The following CACNB1 variants were observed in gnomAD, a reference collection of about 807,000 sequenced individuals.
The protein encoded by CACNB1 is calcium voltage-gated channel auxiliary subunit beta 1.
In CACNB1, 29 loss-of-function variants were observed where a neutral mutation model predicts 71.6. That is an observed-to-expected ratio of 0.40 (90% confidence interval 0.30 to 0.55). The LOEUF (loss-of-function observed/expected upper bound fraction) is 0.55. CACNB1 is among the 20% of genes least tolerant of loss of function. The probability of loss-of-function intolerance (pLI) is 0.38; values close to 1 mark genes in which losing one functional copy is unlikely to be tolerated. For synonymous variants in CACNB1, 300 were observed against 319.6 expected, an observed-to-expected ratio of 0.94 and a Z score of 0.65; for missense variants, 623 against 801.8, an observed-to-expected ratio of 0.78 and a Z score of 2.69.
At chr17:39,176,778 T>A (rs1477066753) in intron 13 of CACNB1, among the ~76,000 whole-genome samples, 1 of 152,174 alleles carries the variant, frequency 6.6e-6, no homozygotes, top group Non-Finnish European at 1.5e-5. Context: ...TGGGAGGTCC[T>A]TTCCTGGACT....
intron 11 of CACNB1, among the ~76,000 whole-genome samples, chr17:39,179,649 A>G (rs1438975989): frequency 6.6e-6 from 1 of 151,814 alleles, no homozygotes; most frequent in Non-Finnish European, 1.5e-5. Context: ...CTGTAATCCC[A>G]GTACTTTGGG....
At chr17:39,187,339 T>C in intron 4 of CACNB1, 140 bp downstream of exon 4, 1 of 945,510 alleles carries the variant, frequency 1.1e-6, no homozygotes, top group Non-Finnish European at 1.6e-6. Flanking sequence ...ATTAAGAGGC[T>C]CAGAGAGGTG....
rs950330423 is a variant in CACNB1 at position 39,177,365 on chromosome 17, A to G, written c.1317T>C (p.Pro439=). 7.4e-6 allele frequency: 12 copies of G among 1,613,258 alleles called. No homozygotes were observed. The highest frequency in any genetic ancestry group is 1.3e-5 in the African/African-American group (1 of 74,942). Residue 439 remains proline (P), a synonymous_variant, in exon 13 of 14, where the codon CCT becomes CCC. Transcript: ENST00000394303. ...GCACCTGTACCTGGAGGTTGGAGAC[A>G]GGGGCAGGGCTGGCAGCCAGGGCTG... ...ATAALAASPA[P]VSNLQGPYLA... is the part of the protein sequence containing the mutation.
chr17:39,185,046 G>T, intron 7 of CACNB1, 85 bp downstream of exon 7: 2 of 1,257,760 alleles, frequency 1.6e-6, no homozygotes, highest in Non-Finnish European at 2.3e-6. Flanking sequence ...GGAAATGGGG[G>T]ACAGATGTGG....
rs950299355 is a variant in CACNB1, at chr17:39,195,809, G to A, written c.85-839C>T. On this transcript the variant is annotated intron_variant, in intron 1 of 13. Coordinates refer to ENST00000394303, the MANE Select transcript of CACNB1 (RefSeq NM_000723.5). Reference sequence around the variant, plus strand: ...ATGCCCATGGTACCCATCAGGCTACGTCAATCTAAATGTCCCTCGGCCCCG... The same window carrying A: ...ATGCCCATGGTACCCATCAGGCTACATCAATCTAAATGTCCCTCGGCCCCG... 2.6e-5 allele frequency among the ~76,000 whole-genome samples: 4 copies of A among 152,252 alleles called. No individual in the cohort carries two copies. In the East Asian group the frequency reaches 5.8e-4, roughly 22 times the overall value.
Position 39,177,437 on chromosome 17 carries a change from G to A in CACNB1, c.1245C>T (p.Pro415=). 6.2e-7 allele frequency: 1 copy of A among 1,613,816 alleles called. No homozygotes were observed. Among genetic ancestry groups the A allele is most frequent in the Non-Finnish European group, 8.5e-7 (1 of 1,179,828 alleles). Residue 415 remains proline (P), a synonymous_variant, in exon 13 of 14, where the codon CCC becomes CCT. Coordinates refer to ENST00000394303, the MANE Select transcript of CACNB1 (RefSeq NM_000723.5). ...GCAGCGGATTGGGTGGCGTGCTGCT[G>A]GGCGGGTGTGTGGCCTTCCAATAGG... ...LEAYWKATHP[P]SSTPPNPLLN...
intron 1 of CACNB1, among the ~76,000 whole-genome samples, chr17:39,195,481 C>T (rs2046185241): frequency 6.6e-6 from 1 of 152,148 alleles, no homozygotes; most frequent in Admixed American, 6.5e-5. Context: ...CTGGCTTCTC[C>T]CCTGTGCCCA....
intron 3 of CACNB1, among the ~76,000 whole-genome samples, chr17:39,191,066 T>C (rs558470877): frequency 1.3e-4 from 19 of 151,820 alleles, no homozygotes; most frequent in African/African-American, 4.1e-4. Context: ...TAGCCGGGCG[T>C]GGCAGCCAGA....
chr17:39,186,135 G>A lies in CACNB1; in HGVS notation c.628+361C>T. ...CCGGAGAGTCAGGAGAGAGGGAGGAGGGAGGCGAGGTGGGGAGAAGGAGTG... is the reference window on the plus strand; with the variant it reads ...CCGGAGAGTCAGGAGAGAGGGAGGAAGGAGGCGAGGTGGGGAGAAGGAGTG... On this transcript the variant is annotated intron_variant, in intron 6 of 13. Coordinates refer to ENST00000394303, the MANE Select transcript of CACNB1 (RefSeq NM_000723.5). This position sits in a 1 kb window ranked among gnomAD's most constrained non-coding sequence, Gnocchi z 4.1. 3.1e-6 allele frequency: 5 copies of A among 1,603,292 alleles called. No homozygotes were observed. Among genetic ancestry groups the A allele is most frequent in the Non-Finnish European group, 4.3e-6 (5 of 1,171,330 alleles).
Position 39,175,162 on chromosome 17 carries a change from G to T in CACNB1, c.*31C>A. 1 of 1,553,146 alleles carries T rather than the reference G, an allele frequency of 6.4e-7. No homozygotes were observed. Among genetic ancestry groups the T allele is most frequent in the Non-Finnish European group, 8.8e-7 (1 of 1,135,824 alleles). ...CTCCCTCCCCTCCCCTGGGCTCAGA[G>T]CCCTTCCTCCCGCCGTGTGGCCCCT... On this transcript the variant is annotated 3_prime_UTR_variant, in exon 14 of 14. Coordinates refer to ENST00000394303, the MANE Select transcript of CACNB1 (RefSeq NM_000723.5). The surrounding 1 kb of genome is among the most constrained non-coding windows in gnomAD (Gnocchi z 4.7).
rs773858989 is a variant in CACNB1, at chr17:39,175,231, C to T, written c.1759G>A (p.Glu587Lys). The change falls in exon 14 of 14, where the codon GAG (glutamate) becomes AAG (lysine). Residue 587 changes from glutamate (E) to lysine (K), a missense_variant. Coordinates refer to ENST00000394303, the MANE Select transcript of CACNB1 (RefSeq NM_000723.5). This position sits in a 1 kb window ranked among gnomAD's most constrained non-coding sequence, Gnocchi z 4.7. ...GGPVLGRNKNELEGWGRGVYI... is the reference protein window; with the variant it reads ...GGPVLGRNKNKLEGWGRGVYI... ...ACGCCTCGTCCCCAGCCCTCCAGCTCATTCTTGTTGCGCCCCAAAACTGGA... is the reference window on the plus strand; with the variant it reads ...ACGCCTCGTCCCCAGCCCTCCAGCTTATTCTTGTTGCGCCCCAAAACTGGA... 4.3e-6 allele frequency: 7 copies of T among 1,613,946 alleles called. No homozygotes were observed. The South Asian group carries it at 7.7e-5, about 18-fold the overall frequency.
chr17:39,186,362 G>T lies in CACNB1; in HGVS notation c.628+134C>A. 1 of 675,598 alleles carries T rather than the reference G, an allele frequency of 1.5e-6. No homozygotes were observed. The highest frequency in any genetic ancestry group is 2.7e-5 in the East Asian group (1 of 36,798). 41.9% of individuals were successfully genotyped at this position (675,598 alleles called of 1,614,324 possible). On this transcript the variant is annotated intron_variant, in intron 6 of 13. Coordinates refer to ENST00000394303, the MANE Select transcript of CACNB1 (RefSeq NM_000723.5). The surrounding 1 kb of genome is among the most constrained non-coding windows in gnomAD (Gnocchi z 4.1). ...AGGGGTAGCCTACTCTTCATGGAGG[G>T]GGAACCACTGCATGTGCTTGGGGGA...
intron 7 of CACNB1, 80 bp from the exon 8 acceptor site, chr17:39,184,944 T>C (rs1229346139): frequency 1.8e-6 from 2 of 1,130,746 alleles, no homozygotes; most frequent in Non-Finnish European, 2.7e-6. Context: ...GGCTCCCCCA[T>C]GCAGCCTTCC....
chr17:39,197,504 G>A lies in CACNB1; in HGVS notation c.-9C>T, dbSNP rs1264814849. 1.1e-5 allele frequency: 16 copies of A among 1,488,850 alleles called. No homozygotes were observed. In the Admixed American group the frequency reaches 3.0e-4, roughly 28 times the overall value. The allele number at this position is 1,488,850 out of a possible 1,614,324, so 92.2% of individuals were successfully genotyped here. A position where few individuals can be genotyped will look rare whatever the true frequency, so the allele number is the denominator to read the frequency against. On this transcript the variant is annotated 5_prime_UTR_variant, in exon 1 of 14. Coordinates refer to ENST00000394303, the MANE Select transcript of CACNB1 (RefSeq NM_000723.5). ...CTGGTCTTCTGGACCATGGAGAGGA[G>A]CCTCCCCTCCCGCCGCCGGCCCGGC...
chr17:39,184,645 G>A, intron 8 of CACNB1, 139 bp downstream of exon 8: 2 of 677,768 alleles, frequency 3.0e-6, no homozygotes, highest in East Asian at 2.7e-5. Context: ...TGTGGATTGG[G>A]CCCCCTGGGG....
Position 39,178,319 on chromosome 17 carries a change from G to A in CACNB1, c.1051-240C>T, listed in dbSNP as rs2045643381. 1.3e-5 allele frequency: 5 copies of A among 383,114 alleles called. No homozygotes were observed. In the South Asian group the frequency reaches 2.3e-4, roughly 18 times the overall value. 23.7% of individuals were successfully genotyped at this position (383,114 alleles called of 1,614,324 possible). ...AGCCTTCCTTAGGGGCTATATGAAG[G>A]GCAGTGATTCTCCTTCTCAACTTCT... On this transcript the variant is annotated intron_variant, in intron 11 of 13. Transcript: ENST00000394303.
At position 39,184,012 on chromosome 17, in the gene CACNB1, A is replaced by G. The variant is rs1461646349; in HGVS notation, c.898+19T>C. 3.8e-6 allele frequency: 6 copies of G among 1,581,040 alleles called. No homozygotes were observed. Among genetic ancestry groups the G allele is most frequent in the Non-Finnish European group, 5.2e-6 (6 of 1,150,404 alleles). On this transcript the variant is annotated intron_variant, in intron 10 of 13. Coordinates refer to ENST00000394303, the MANE Select transcript of CACNB1 (RefSeq NM_000723.5). ...TCCGGCCCAGAAAGGGGGAGTGAAG[A>G]CAGCAGGAGTAGGCTCACCCAGGCT...
rs776639221 is a variant in CACNB1 at position 39,175,657 on chromosome 17, C to T, written c.1333G>A (p.Gly445Arg). Residue 445 changes from glycine to arginine, a missense_variant and splice_region_variant, in exon 14 of 14, where the codon GGA (glycine) becomes AGA (arginine). Transcript: ENST00000394303. The surrounding 1 kb of genome is among the most constrained non-coding windows in gnomAD (Gnocchi z 4.7). The part of the protein sequence containing the change: ...ASPAPVSNLQ[G>R]PYLASGDQPL... The stretch of plus-strand genomic sequence containing the variant: ...TGGTCCCCGGAAGCAAGGTAGGGTC[C>T]CTGGTTAGCAGACGGACAGCACACA... 8 of 1,555,456 alleles carry T rather than the reference C, an allele frequency of 5.1e-6. No individual in the cohort carries two copies. In the South Asian group the frequency reaches 9.8e-5, roughly 19 times the overall value.
At chr17:39,184,232 G>T in intron 9 of CACNB1, 92 bp from the exon 10 acceptor site, 1 of 1,287,810 alleles carries the variant, frequency 7.8e-7, no homozygotes, top group Non-Finnish European at 1.1e-6. Flanking sequence ...CTGTTCCTCA[G>T]TCCGAGTCCC....
Sources: allele counts gnomAD v4.1 joint callset (sites outside exome capture counted in the v4.1 genomes callset), GRCh38; gene constraint gnomAD v4.1.1; non-coding constraint Gnocchi (gnomAD v3.1); transcripts MANE v1.5; gene names NCBI Gene and HGNC (gene_info 2026-07-23, HGNC 2026-07-21).